MCM8: variants seen among roughly 807,000 people sequenced by gnomAD.
MCM8 encodes minichromosome maintenance 8 homologous recombination repair factor.
In MCM8, 85 loss-of-function variants were observed where a neutral mutation model predicts 98.9. The ratio of observed to expected loss-of-function variants is 0.86; its 90% confidence interval spans 0.72 to 1.03. The LOEUF is 1.03. Ranked by LOEUF, MCM8 falls within the 50% of genes least tolerant of loss-of-function variation. The probability of loss-of-function intolerance (pLI) is 0.00; values close to 1 mark genes in which losing one functional copy is unlikely to be tolerated. For missense variants in MCM8, 951 were observed against 997.8 expected (o/e 0.95, Z 0.63); for synonymous variants, 352 against 338.6 (o/e 1.04, Z -0.44).
At chr20:5,990,663 T>G (rs2089832691) in intron 17 of MCM8, among the ~76,000 whole-genome samples, 1 of 152,202 alleles carries the variant, frequency 6.6e-6, no homozygotes, top group Non-Finnish European at 1.5e-5. Flanking sequence ...TATGGCTTTC[T>G]AAGAGACCAG....
chr20:5,991,053 C>T (rs1001035020), intron 17 of MCM8: 2 of 152,236 alleles, frequency 1.3e-5, no homozygotes, highest in African/African-American at 4.8e-5. Context: ...CTACCCTGCT[C>T]CTTTTCTCTC....
At chr20:5,985,837 C>A in intron 15 of MCM8, 85 bp from the exon 16 acceptor site, 3 of 1,392,278 alleles carry the variant, frequency 2.2e-6, no homozygotes, top group Non-Finnish European at 3.0e-6. Context: ...TGAGCCACTG[C>A]ACCTGGCCTA....
intron 3 of MCM8, among the ~76,000 whole-genome samples, chr20:5,953,709 G>A (rs1473079697): frequency 6.6e-6 from 1 of 151,618 alleles, no homozygotes; most frequent in African/African-American, 2.4e-5. Context: ...TCCTGACCTC[G>A]TTATCCGCCC....
Position 5,989,120 on chromosome 20 carries a change from C to CT in MCM8, c.2240+1778dup, listed in dbSNP as rs1172678780. ...ACTGTTTACTATCAATAGCGCAAGT[C>CT]TTTTTTTTTTTTTTTTGAGACAGTC... On this transcript the variant is annotated intron_variant, in intron 17 of 18. Transcript: ENST00000610722. Among the ~76,000 whole-genome samples the CT allele has an allele frequency of 1.6e-3, 188 of 120,288 alleles. 2 individuals carry two copies. Among genetic ancestry groups the CT allele is most frequent in the East Asian group, 5.0e-3 (21 of 4,184 alleles). 78.9% of individuals were successfully genotyped at this position (120,288 alleles called of 152,430 possible).
chr20:5,994,002 G>T, intron 18 of MCM8: 1 of 348,854 alleles, frequency 2.9e-6, no homozygotes, highest in Admixed American at 4.5e-5. Flanking sequence ...TTCAAACATG[G>T]GCTGTTACAC....
At chr20:5,972,567 T>G (rs1040230791) in intron 11 of MCM8, 31 of 343,926 alleles carry the variant, frequency 9.0e-5, no homozygotes, top group African/African-American at 6.6e-4. Flanking sequence ...ATTTATTTAT[T>G]TTTTTGAGAT....
In MCM8 at chr20:5,960,804, A is replaced by G. The variant is rs548730077; in HGVS notation, c.789+2078A>G. Among the ~76,000 whole-genome samples the G allele has an allele frequency of 2.0e-5, 3 of 152,262 alleles. No homozygotes were observed. In the South Asian group the frequency reaches 6.2e-4, roughly 32 times the overall value. Reference sequence around the variant, plus strand: ...TTCTAAATTAGCCAGACGTGGTGGCACATGCCTGTAATCCAAGCTACTCGG... The same window carrying G: ...TTCTAAATTAGCCAGACGTGGTGGCGCATGCCTGTAATCCAAGCTACTCGG... On this transcript the variant is annotated intron_variant, in intron 7 of 18. Transcript: ENST00000610722.
chr20:5,970,108 T>A (rs2089370983), intron 10 of MCM8, among the ~76,000 whole-genome samples: 1 of 152,222 alleles, frequency 6.6e-6, no homozygotes, highest in Non-Finnish European at 1.5e-5. Flanking sequence ...CCTGTTTTTG[T>A]AAGTCAAATT....
At chr20:5,968,178 A>G (rs1027233225) in intron 10 of MCM8, among the ~76,000 whole-genome samples, 153 bp downstream of exon 10, 1 of 152,234 alleles carries the variant, frequency 6.6e-6, no homozygotes, top group East Asian at 1.9e-4. Flanking sequence ...CCTATGAACT[A>G]AGAATGGTTT....
chr20:5,968,111 T>C (rs2089318386), intron 10 of MCM8, 86 bp downstream of exon 10: 1 of 1,153,584 alleles, frequency 8.7e-7, no homozygotes. Flanking sequence ...CTAGTCAAAA[T>C]GGTCGGCAAA....
At chr20:5,972,662 C>T (rs1481625933) in intron 11 of MCM8, 2 of 890,464 alleles carry the variant, frequency 2.2e-6, no homozygotes, top group South Asian at 1.4e-5. Context: ...TCAAACAGTT[C>T]TCCCACCTCA....
chr20:5,968,730 T>A (rs542395277), intron 10 of MCM8, among the ~76,000 whole-genome samples: 2 of 152,228 alleles, frequency 1.3e-5, no homozygotes, highest in Non-Finnish European at 2.9e-5. Flanking sequence ...AATTTGCTGA[T>A]CTCTAGTTTA....
rs768013365 is a variant in MCM8 at position 5,993,621 on chromosome 20, G to T, written c.2356G>T (p.Val786Phe). The T allele has an allele frequency of 1.9e-6, 3 of 1,611,904 alleles. No individual in the cohort carries two copies. The South Asian group carries it at 3.3e-5, about 18-fold the overall frequency. The change falls in exon 18 of 19, where the codon GTT (valine) becomes TTT (phenylalanine). Residue 786 changes from valine (V) to phenylalanine (F), a missense_variant. Val to Phe is a conservative substitution (Grantham distance 50). Coordinates refer to ENST00000610722, the MANE Select transcript of MCM8 (RefSeq NM_032485.6). ...AAGATTTATTTCTGCTCTCAACAAC[G>T]TTGCTGAAAGAACTTATAATAATAT... ...AKRFISALNN[V>F]AERTYNNIFQ...
intron 6 of MCM8, among the ~76,000 whole-genome samples, chr20:5,957,935 A>G (rs2089029667): frequency 6.6e-6 from 1 of 152,232 alleles, no homozygotes; most frequent in Admixed American, 6.5e-5. Context: ...CAGTTCTTTA[A>G]AAAGAACTTA....
At chr20:5,963,493 A>T in intron 8 of MCM8, 134 bp downstream of exon 8, 6 of 443,772 alleles carry the variant, frequency 1.4e-5, no homozygotes, top group South Asian at 3.5e-5. Context: ...TAGATGGTTT[A>T]TTTGATGAAG....
At position 5,984,988 on chromosome 20, in the gene MCM8, A is replaced by G. The variant is rs370561271; in HGVS notation, c.1941A>G (p.Ser647=). ...AAGTAGTTTCTGAGAAGCCATTATC[A>G]GAAAGACTAAAGGTATAAATGTTTC... ...VLEVVSEKPL[S]ERLKVVPGET... is the part of the protein sequence containing the mutation. Residue 647 remains serine, a synonymous_variant, in exon 15 of 19, where the codon TCA becomes TCG. Coordinates refer to ENST00000610722, the MANE Select transcript of MCM8 (RefSeq NM_032485.6). 6 of 1,613,056 alleles carry G rather than the reference A, an allele frequency of 3.7e-6. No individual in the cohort carries two copies. The African/African-American group carries it at 8.0e-5, about 22-fold the overall frequency.
intron 7 of MCM8, among the ~76,000 whole-genome samples, chr20:5,959,699 T>A (rs1208497930): frequency 7.1e-6 from 1 of 140,166 alleles, no homozygotes; most frequent in African/African-American, 2.8e-5. Flanking sequence ...ACTTTTTTTT[T>A]TTTTTTTTTT....
At chr20:5,957,505 T>C (rs1045490004) in intron 6 of MCM8, among the ~76,000 whole-genome samples, 1 of 152,220 alleles carries the variant, frequency 6.6e-6, no homozygotes, top group Non-Finnish European at 1.5e-5. Flanking sequence ...CCCTGCTGTG[T>C]AAGTTTAATA....
At chr20:5,972,802 A>C in intron 11 of MCM8, 4 of 1,417,852 alleles carry the variant, frequency 2.8e-6, no homozygotes, top group East Asian at 3.2e-5. Context: ...TTTTTGTGGA[A>C]TGGATTTATG....
Sources: gnomAD v4.1 joint callset for allele counts (sites outside exome capture counted in the v4.1 genomes callset) on GRCh38, gnomAD v4.1.1 for gene constraint, MANE v1.5 for transcripts, NCBI Gene and HGNC (gene_info 2026-07-23, HGNC 2026-07-21) for gene names.